The following GIPC2 variants were observed in gnomAD, a reference collection of about 807,000 sequenced individuals.
GIPC2 encodes PDZ domain-containing protein GIPC2.
A neutral mutation model predicts 30.6 loss-of-function variants in GIPC2; 30 were observed. The ratio of observed to expected loss-of-function variants is 0.98; its 90% CI spans 0.73 to 1.33. GIPC2 has a LOEUF of 1.33. Ranked by LOEUF, GIPC2 falls within the 40% of genes most tolerant of loss-of-function variation. The pLI is 0.00. For synonymous variants in GIPC2, 167 were observed against 150.0 expected, an observed-to-expected ratio of 1.11 and a Z score of -0.83; for missense variants, 414 against 390.3, an observed-to-expected ratio of 1.06 and a Z score of -0.51.
chr1:78,099,928 G>A (rs1163876085), intron 3 of GIPC2, among the ~76,000 whole-genome samples: 1 of 152,142 alleles, frequency 6.6e-6, no homozygotes, highest in Non-Finnish European at 1.5e-5. Flanking sequence ...GGTTATAGGT[G>A]GTGGCGTCAC....
intron 2 of GIPC2, among the ~76,000 whole-genome samples, chr1:78,082,176 A>G (rs1212319869): frequency 6.6e-6 from 1 of 152,176 alleles, no homozygotes; most frequent in African/African-American, 2.4e-5. Flanking sequence ...AGGAAGGTTA[A>G]GTAGCTTGCC....
intron 3 of GIPC2, among the ~76,000 whole-genome samples, chr1:78,107,200 T>A (rs1662371468): frequency 6.6e-6 from 1 of 151,770 alleles, no homozygotes; most frequent in Non-Finnish European, 1.5e-5. Context: ...TCTCACTCTC[T>A]GAGGGTGGAG....
At chr1:78,116,879 G>T (rs909912944) in intron 3 of GIPC2, among the ~76,000 whole-genome samples, 2 of 152,168 alleles carry the variant, frequency 1.3e-5, no homozygotes, top group Non-Finnish European at 2.9e-5. Context: ...CCAGTAATGG[G>T]ATGGCTGGGT....
chr1:78,074,144 A>C (rs1019527037), intron 1 of GIPC2, among the ~76,000 whole-genome samples: 2 of 152,232 alleles, frequency 1.3e-5, no homozygotes, highest in African/African-American at 4.8e-5. Flanking sequence ...AGAAGCTTTC[A>C]AGCATAAGTA....
intron 2 of GIPC2, among the ~76,000 whole-genome samples, chr1:78,081,374 G>A (rs962359012): frequency 6.6e-6 from 1 of 152,108 alleles, no homozygotes; most frequent in Non-Finnish European, 1.5e-5. Context: ...GAACATGTAT[G>A]GCCTTTTTAC....
chr1:78,094,557 G>A (rs1662101783), intron 2 of GIPC2, among the ~76,000 whole-genome samples: 1 of 152,164 alleles, frequency 6.6e-6, no homozygotes, highest in Admixed American at 6.5e-5. Context: ...GTAGAAGCAT[G>A]AGAGTGGCAC....
intron 5 of GIPC2, among the ~76,000 whole-genome samples, chr1:78,134,362 GTA>G (rs1031904219): frequency 2.7e-5 from 4 of 148,032 alleles, no homozygotes; most frequent in African/African-American, 9.9e-5. Flanking sequence ...GTGTGTGTGT[GTA>G]TGTATGTGTG....
intron 4 of GIPC2, among the ~76,000 whole-genome samples, chr1:78,121,889 C>T (rs1324763675): frequency 1.3e-5 from 2 of 152,192 alleles, no homozygotes; most frequent in Non-Finnish European, 2.9e-5. Flanking sequence ...AAGTTGCTGG[C>T]TGTGAGGAGC....
chr1:78,055,700 T>C (rs957273547), intron 1 of GIPC2, among the ~76,000 whole-genome samples: 1 of 152,168 alleles, frequency 6.6e-6, no homozygotes, highest in Admixed American at 6.5e-5. Context: ...AAAGAGTCTT[T>C]GTTGTGTCAG....
intron 5 of GIPC2, among the ~76,000 whole-genome samples, chr1:78,126,551 A>G (rs1177466186): frequency 1.1e-5 from 1 of 89,810 alleles, no homozygotes; most frequent in African/African-American, 4.0e-5. Context: ...TGGCTTAAGG[A>G]AAAAAAAAAA....
chr1:78,099,761 G>C (rs894255134), intron 3 of GIPC2, among the ~76,000 whole-genome samples: 1 of 152,070 alleles, frequency 6.6e-6, no homozygotes, highest in Non-Finnish European at 1.5e-5. Context: ...TAAGGAAAGA[G>C]ATTTGAGTTG....
chr1:78,098,670 T>A (rs183108735), intron 3 of GIPC2, among the ~76,000 whole-genome samples: 8 of 151,706 alleles, frequency 5.3e-5, no homozygotes, highest in African/African-American at 1.5e-4. Context: ...GTCCTAATCT[T>A]CACTACCTTA....
intron 1 of GIPC2, among the ~76,000 whole-genome samples, chr1:78,058,399 A>G (rs751347493): frequency 5.9e-5 from 9 of 152,324 alleles, no homozygotes; most frequent in Non-Finnish European, 1.2e-4. Flanking sequence ...TACCAAATAG[A>G]CAACCATCTT....
chr1:78,063,877 G>A lies in GIPC2; in HGVS notation c.241-16798G>A, dbSNP rs537605269. ...GCTGCACTCCAGCCTGGGTGACAGAGCAAGACTCTGTCTCAAAAAGACAAA... is the reference window on the plus strand; with the variant it reads ...GCTGCACTCCAGCCTGGGTGACAGAACAAGACTCTGTCTCAAAAAGACAAA... On this transcript the variant is annotated intron_variant, in intron 1 of 5. Transcript: ENST00000370759. Among the ~76,000 whole-genome samples, 165 of 137,410 alleles carry A rather than the reference G, an allele frequency of 1.2e-3. 6 individuals are homozygous for A. The South Asian group carries it at 0.038, about 32-fold the overall frequency. The allele number at this position is 137,410 out of a possible 152,430, so 90.1% of individuals were successfully genotyped here. A position where few individuals can be genotyped will look rare whatever the true frequency, so the allele number is the denominator to read the frequency against.
Position 78,135,817 on chromosome 1 carries a change from T to A in GIPC2, c.*74T>A. ...CTTTTTTAAAAAGTCCTATAAGATC[T>A]GTTTTTGGACACCTTTACTAACTCT... On this transcript the variant is annotated 3_prime_UTR_variant, in exon 6 of 6. Coordinates refer to ENST00000370759, the MANE Select transcript of GIPC2 (RefSeq NM_017655.6). 1 of 1,241,254 alleles carries A rather than the reference T, an allele frequency of 8.1e-7. No individual in the cohort carries two copies. The highest frequency in any genetic ancestry group is 2.4e-5 in the East Asian group (1 of 41,798). 76.9% of individuals were successfully genotyped at this position (1,241,254 alleles called of 1,614,324 possible). A position where few individuals can be genotyped will look rare whatever the true frequency, so the allele number is the denominator to read the frequency against.
intron 1 of GIPC2, among the ~76,000 whole-genome samples, chr1:78,053,091 G>A (rs1299729162): frequency 6.6e-6 from 1 of 152,208 alleles, no homozygotes; most frequent in African/African-American, 2.4e-5. Context: ...GGAATTGGGT[G>A]TGAATATTAC....
At chr1:78,103,112 A>G (rs1198927703) in intron 3 of GIPC2, among the ~76,000 whole-genome samples, 4 of 152,218 alleles carry the variant, frequency 2.6e-5, no homozygotes, top group African/African-American at 7.2e-5. Context: ...ACACTTCTAA[A>G]CCAAGCAGTC....
intron 3 of GIPC2, among the ~76,000 whole-genome samples, chr1:78,098,979 C>A (rs1379460383): frequency 6.6e-6 from 1 of 152,070 alleles, no homozygotes; most frequent in Non-Finnish European, 1.5e-5. Flanking sequence ...TTTGTTATGG[C>A]AGCACTAGGA....
chr1:78,114,006 AG>A lies in GIPC2; in HGVS notation c.608-5386del, dbSNP rs748596230. ...CTTTTAAATCAAAGCACATAATTAG[AG>A]TAACAGATACAATTGCCACAAAAAG... On this transcript the variant is annotated intron_variant, in intron 3 of 5. Coordinates refer to ENST00000370759, the MANE Select transcript of GIPC2 (RefSeq NM_017655.6). Among the ~76,000 whole-genome samples, 7 of 152,308 alleles carry A rather than the reference AG, an allele frequency of 4.6e-5. No homozygotes were observed. The South Asian group carries it at 8.3e-4, about 18-fold the overall frequency.
Sources: gnomAD v4.1 joint callset for allele counts (sites outside exome capture counted in the v4.1 genomes callset) on GRCh38, gnomAD v4.1.1 for gene constraint, MANE v1.5 for transcripts, NCBI Gene and HGNC (gene_info 2026-07-23, HGNC 2026-07-21) for gene names.